Variants in ACVR1 observed in about 807,000 individuals in gnomAD.
ACVR1 encodes the protein activin receptor type-1.
ACVR1 carries 38 observed loss-of-function variants against 57.1 expected under a neutral mutation model. The ratio of observed to expected loss-of-function variants is 0.67; its 90% CI spans 0.51 to 0.87. ACVR1 has a LOEUF of 0.87. ACVR1 is among the 40% of genes least tolerant of loss of function. ACVR1 has a pLI of 0.00. For synonymous variants in ACVR1, 212 were observed against 228.1 expected (o/e 0.93, Z 0.63); for missense variants, 463 against 638.2 (o/e 0.73, Z 2.96).
At chr2:157,751,181 C>T (rs1430098933) in intron 9 of ACVR1, among the ~76,000 whole-genome samples, 1 of 152,162 alleles carries the variant, frequency 6.6e-6, no homozygotes, top group African/African-American at 2.4e-5. Flanking sequence ...AAACACACAC[C>T]CTCACTGGGG....
chr2:157,863,011 C>CT lies in ACVR1; in HGVS notation c.-183+12784dup, dbSNP rs374223805. 6.7e-4 allele frequency among the ~76,000 whole-genome samples: 42 copies of CT among 62,332 alleles called. 7 individuals carry two copies. Among genetic ancestry groups the CT allele is most frequent in the African/African-American group, 2.9e-3 (40 of 13,710 alleles). 40.9% of individuals were successfully genotyped at this position (62,332 alleles called of 152,430 possible). ...CCTAACCGCTGCTGTAGAACATTTA[C>CT]TTTTTTTTTTTTTTTTTTTTTTTTT... On this transcript the variant is annotated intron_variant, in intron 1 of 10. Transcript: ENST00000434821.
chr2:157,784,065 G>A (rs767825500), intron 3 of ACVR1, among the ~76,000 whole-genome samples: 43 of 152,152 alleles, frequency 2.8e-4, no homozygotes, highest in Non-Finnish European at 1.5e-4. Flanking sequence ...TAGCATTCTC[G>A]GATCTTAATA....
chr2:157,758,596 A>G (rs534844690), intron 9 of ACVR1, among the ~76,000 whole-genome samples: 51 of 152,218 alleles, frequency 3.4e-4, no homozygotes, highest in Non-Finnish European at 6.5e-4. Context: ...CTCCAACACA[A>G]TAACAGTTGG....
At chr2:157,800,079 C>T (rs1188495155) in intron 2 of ACVR1, among the ~76,000 whole-genome samples, 1 of 152,126 alleles carries the variant, frequency 6.6e-6, no homozygotes, top group African/African-American at 2.4e-5. Flanking sequence ...TGCATTTCTG[C>T]ATTAAACAAA....
At chr2:157,797,014 T>C (rs1022892067) in intron 3 of ACVR1, among the ~76,000 whole-genome samples, 3 of 152,174 alleles carry the variant, frequency 2.0e-5, no homozygotes, top group Admixed American at 1.3e-4. Context: ...AGAAACAAAA[T>C]GTGAGCCACC....
rs142351835 is a variant in ACVR1, at chr2:157,765,866, A to G, written c.1066+55T>C. On this transcript the variant is annotated intron_variant, in intron 8 of 10. Coordinates refer to ENST00000434821, the MANE Select transcript of ACVR1 (RefSeq NM_001111067.4). ...TGTGGGGGAGAGATGCAACTCACCT[A>G]ACCATTGAAACAAAAATAAAACTGG... 42 of 1,580,366 alleles carry G rather than the reference A, an allele frequency of 2.7e-5. No individual in the cohort carries two copies. In the African/African-American group the frequency reaches 4.6e-4, roughly 17 times the overall value.
Position 157,766,042 on chromosome 2 carries a change from A to C in ACVR1, c.945T>G (p.Gly315=), listed in dbSNP as rs1053300019. The C allele has an allele frequency of 1.2e-6, 2 of 1,614,060 alleles. No homozygotes were observed. The highest frequency in any genetic ancestry group is 8.5e-7 in the Non-Finnish European group (1 of 1,180,014). ...ATATCTCTATGTGCAAATGTGCAAG[A>C]CCACTAGCTATGGACAGCACTATTC... is the stretch of plus-strand genomic sequence containing the variant. The part of the protein sequence containing the change: ...CLRIVLSIAS[G]LAHLHIEIFG... The change falls in exon 8 of 11, where the codon GGT becomes GGG. Residue 315 remains glycine (G), a synonymous_variant. Coordinates refer to ENST00000434821, the MANE Select transcript of ACVR1 (RefSeq NM_001111067.4).
intron 1 of ACVR1, among the ~76,000 whole-genome samples, chr2:157,855,586 TAGA>T (rs1252851861): frequency 6.6e-6 from 1 of 152,048 alleles, no homozygotes; most frequent in Non-Finnish European, 1.5e-5. Context: ...GCACCTTCCC[TAGA>T]AGAATAACTC....
intron 5 of ACVR1, among the ~76,000 whole-genome samples, chr2:157,775,113 C>T (rs1340617350): frequency 2.6e-5 from 4 of 152,326 alleles, no homozygotes; most frequent in East Asian, 1.9e-4. Context: ...CAGGCAGCAA[C>T]GGGCTGCCTG....
chr2:157,745,367 CA>C (rs1684928625), intron 9 of ACVR1, among the ~76,000 whole-genome samples: 1 of 152,138 alleles, frequency 6.6e-6, no homozygotes, highest in Admixed American at 6.5e-5. Flanking sequence ...AAGGCTTCTT[CA>C]GAAAAATGTA....
chr2:157,828,210 G>A (rs1297323787), intron 1 of ACVR1, among the ~76,000 whole-genome samples: 1 of 152,072 alleles, frequency 6.6e-6, no homozygotes, highest in Non-Finnish European at 1.5e-5. Flanking sequence ...CATTTTGGGA[G>A]GTCCAGGCAG....
chr2:157,746,229 G>A (rs1574010970), intron 9 of ACVR1, among the ~76,000 whole-genome samples: 1 of 152,192 alleles, frequency 6.6e-6, no homozygotes, highest in African/African-American at 2.4e-5. Context: ...CCGTGGAAAG[G>A]AAACCATACC....
intron 3 of ACVR1, among the ~76,000 whole-genome samples, chr2:157,790,907 C>T (rs561418963): frequency 6.6e-6 from 1 of 152,380 alleles, no homozygotes; most frequent in East Asian, 1.9e-4. Context: ...TAGCATAAGG[C>T]TCTGCCATGC....
intron 1 of ACVR1, among the ~76,000 whole-genome samples, chr2:157,861,426 C>G (rs1462239021): frequency 6.6e-6 from 1 of 152,166 alleles, no homozygotes; most frequent in South Asian, 2.1e-4. Flanking sequence ...TGGGGACCTT[C>G]AGCAGGAGAC....
chr2:157,841,719 T>A (rs990900010), intron 1 of ACVR1, among the ~76,000 whole-genome samples: 7 of 151,882 alleles, frequency 4.6e-5, no homozygotes, highest in Non-Finnish European at 8.8e-5. Flanking sequence ...CAAGACCCCA[T>A]CTCTTTATAA....
At chr2:157,803,240 A>C (rs1687392050) in intron 2 of ACVR1, among the ~76,000 whole-genome samples, 1 of 152,220 alleles carries the variant, frequency 6.6e-6, no homozygotes, top group East Asian at 1.9e-4. Flanking sequence ...AAATTAAAAC[A>C]ATAATTTAGG....
At chr2:157,784,724 G>A (rs982871130) in intron 3 of ACVR1, among the ~76,000 whole-genome samples, 13 of 152,292 alleles carry the variant, frequency 8.5e-5, no homozygotes, top group South Asian at 6.2e-4. Flanking sequence ...ACAAACCAGC[G>A]GTGCAGGCTG....
intron 7 of ACVR1, among the ~76,000 whole-genome samples, chr2:157,768,502 C>G (rs779512360): frequency 1.3e-5 from 2 of 152,048 alleles, no homozygotes; most frequent in Non-Finnish European, 2.9e-5. Context: ...AAATAATAAA[C>G]GAATACATTT....
intron 5 of ACVR1, among the ~76,000 whole-genome samples, chr2:157,777,700 G>A (rs1686345883): frequency 6.6e-6 from 1 of 152,152 alleles, no homozygotes. Context: ...AAGTTTTTAA[G>A]CCTTAAATTA....
Sources: allele counts gnomAD v4.1 joint callset (sites outside exome capture counted in the v4.1 genomes callset), GRCh38; gene constraint gnomAD v4.1.1; transcripts MANE v1.5; gene names NCBI Gene and HGNC (gene_info 2026-07-23, HGNC 2026-07-21).